MYRIP: variants seen among roughly 807,000 people sequenced by gnomAD.
MYRIP encodes the protein rab effector MyRIP.
Under a neutral mutation model 98.0 loss-of-function variants are expected in MYRIP, and 49 were observed. The observed-to-expected ratio is 0.50, with a 90% CI of 0.40 to 0.63. MYRIP has a LOEUF of 0.63. Ranked by LOEUF, MYRIP falls within the 30% of genes least tolerant of loss-of-function variation. The probability of loss-of-function intolerance (pLI) is 0.00; values close to 1 mark genes in which losing one functional copy is unlikely to be tolerated. For missense variants in MYRIP, 1,004 were observed against 1,058.2 expected (o/e 0.95, Z 0.71); for synonymous variants, 404 against 409.5 (o/e 0.99, Z 0.16).
chr3:40,013,857 A>ACTT (rs1175031881), intron 2 of MYRIP, among the ~76,000 whole-genome samples: 1 of 152,242 alleles, frequency 6.6e-6, no homozygotes, highest in Non-Finnish European at 1.5e-5. Flanking sequence ...GCCAGTGAGC[A>ACTT]GCTTATTAAT....
At chr3:39,984,174 CAG>C (rs769470580) in intron 2 of MYRIP, among the ~76,000 whole-genome samples, 50 of 147,792 alleles carry the variant, frequency 3.4e-4, no homozygotes, top group Non-Finnish European at 2.1e-4. Flanking sequence ...CAGTCCAGGA[CAG>C]AGAGGTTGTA....
chr3:39,983,412 A>G lies in MYRIP; in HGVS notation c.111-60638A>G, dbSNP rs182301064. ...TTTATAACCCTAAAACTTGAATAAT[A>G]TGAGTTACTGGTTAGAAGCACTCTT... On this transcript the variant is annotated intron_variant, in intron 2 of 16. Transcript: ENST00000302541. Among the ~76,000 whole-genome samples the G allele has an allele frequency of 1.3e-4, 20 of 152,344 alleles. No homozygotes were observed. In the Middle Eastern group the frequency reaches 0.014, roughly 104 times the overall value.
intron 3 of MYRIP, among the ~76,000 whole-genome samples, chr3:40,066,246 C>T (rs1046562743): frequency 5.3e-5 from 8 of 152,156 alleles, no homozygotes; most frequent in Non-Finnish European, 1.0e-4. Context: ...GCCCTTGTAT[C>T]AGGTGAATAT....
intron 2 of MYRIP, among the ~76,000 whole-genome samples, chr3:39,951,187 G>C (rs763891364): frequency 1.3e-5 from 2 of 152,130 alleles, no homozygotes; most frequent in Non-Finnish European, 2.9e-5. Flanking sequence ...TTGATGTGAT[G>C]TCAGTGTATT....
At chr3:40,084,149 A>G (rs1948548244) in intron 3 of MYRIP, among the ~76,000 whole-genome samples, 1 of 147,114 alleles carries the variant, frequency 6.8e-6, no homozygotes, top group Non-Finnish European at 1.5e-5. Context: ...AAAAAAAAAA[A>G]AAAAAAAAAA....
chr3:40,156,061 C>G (rs1320703693), intron 4 of MYRIP, among the ~76,000 whole-genome samples: 1 of 151,912 alleles, frequency 6.6e-6, no homozygotes, highest in African/African-American at 2.4e-5. Context: ...ACATGAAGTC[C>G]TTGCCCATGC....
chr3:40,044,355 CTA>C, intron 3 of MYRIP, 84 bp downstream of exon 3: 1 of 1,342,344 alleles, frequency 7.4e-7, no homozygotes, highest in Non-Finnish European at 1.1e-6. Flanking sequence ...GTAGAACCAG[CTA>C]TGATTGGTAG....
chr3:39,871,882 C>A (rs1942799403), intron 1 of MYRIP, among the ~76,000 whole-genome samples: 1 of 151,638 alleles, frequency 6.6e-6, no homozygotes, highest in Admixed American at 6.6e-5. Context: ...TACTGAGTAC[C>A]AAGCATTATA....
chr3:40,105,035 A>G (rs926618195), intron 3 of MYRIP, among the ~76,000 whole-genome samples: 1 of 151,982 alleles, frequency 6.6e-6, no homozygotes, highest in African/African-American at 2.4e-5. Flanking sequence ...ATGTAGGTGC[A>G]GGATGTATAT....
At chr3:39,999,362 A>T (rs1013021035) in intron 2 of MYRIP, among the ~76,000 whole-genome samples, 46 of 152,358 alleles carry the variant, frequency 3.0e-4, no homozygotes, top group Non-Finnish European at 6.6e-4. Context: ...CAAGTGGGTG[A>T]AGGATATGAA....
intron 3 of MYRIP, among the ~76,000 whole-genome samples, chr3:40,080,960 T>C (rs1005839107): frequency 1.3e-5 from 2 of 152,002 alleles, no homozygotes; most frequent in Non-Finnish European, 2.9e-5. Context: ...AGTCTTTTTA[T>C]CATTCAATTC....
chr3:40,135,606 G>C (rs937757780), intron 3 of MYRIP, among the ~76,000 whole-genome samples: 1 of 152,098 alleles, frequency 6.6e-6, no homozygotes, highest in Admixed American at 6.5e-5. Flanking sequence ...TTGAAATGAA[G>C]GAAAAAATGT....
Position 39,884,174 on chromosome 3 carries a change from A to C in MYRIP, c.-30-16613A>C, listed in dbSNP as rs1005415245. 4.6e-5 allele frequency among the ~76,000 whole-genome samples: 7 copies of C among 152,112 alleles called. No homozygotes were observed. The South Asian group carries it at 8.3e-4, about 18-fold the overall frequency. ...TGGAAGACCATGGAATACTATCCTA[A>C]AGTGCTAAAAGGAAACAGCATCTAC... On this transcript the variant is annotated intron_variant, in intron 1 of 16. Coordinates refer to ENST00000302541, the MANE Select transcript of MYRIP (RefSeq NM_015460.4).
At chr3:40,071,909 C>G (rs138601645) in intron 3 of MYRIP, among the ~76,000 whole-genome samples, 236 of 152,206 alleles carry the variant, frequency 1.6e-3, no homozygotes, top group Non-Finnish European at 2.8e-3. Flanking sequence ...GGGAGCTGGC[C>G]GGTTCTCTGG....
chr3:40,001,212 A>C (rs1946512496), intron 2 of MYRIP, among the ~76,000 whole-genome samples: 1 of 152,248 alleles, frequency 6.6e-6, no homozygotes, highest in African/African-American at 2.4e-5. Flanking sequence ...AGAGATATTA[A>C]AATTAGTAAT....
chr3:40,078,249 G>A (rs1056136857), intron 3 of MYRIP, among the ~76,000 whole-genome samples: 7 of 152,192 alleles, frequency 4.6e-5, no homozygotes, highest in East Asian at 1.9e-4. Context: ...ACGCCCACCC[G>A]GAACTCCAGC....
chr3:39,833,808 G>A (rs189392691), intron 1 of MYRIP, among the ~76,000 whole-genome samples: 19 of 152,140 alleles, frequency 1.2e-4, no homozygotes, highest in African/African-American at 4.6e-4. Context: ...ATCACCTGAG[G>A]TCAAGAGTTC....
chr3:40,084,226 A>T (rs1484436605), intron 3 of MYRIP, among the ~76,000 whole-genome samples: 1 of 146,842 alleles, frequency 6.8e-6, no homozygotes, highest in African/African-American at 2.5e-5. Context: ...TATATATATT[A>T]TATATGTAAA....
At chr3:39,906,916 A>G (rs1020191960) in intron 2 of MYRIP, among the ~76,000 whole-genome samples, 2 of 152,330 alleles carry the variant, frequency 1.3e-5, no homozygotes, top group African/African-American at 2.4e-5. Context: ...CTAGGCTATC[A>G]ACAGACTAGC....
Sources: gnomAD v4.1 joint callset for allele counts (sites outside exome capture counted in the v4.1 genomes callset) on GRCh38, gnomAD v4.1.1 for gene constraint, MANE v1.5 for transcripts, NCBI Gene and HGNC (gene_info 2026-07-23, HGNC 2026-07-21) for gene names.